Variants in KAZN observed in about 807,000 individuals in gnomAD.
The protein encoded by KAZN is kazrin.
Under a neutral mutation model 87.4 loss-of-function variants are expected in KAZN, and 40 were observed. The observed-to-expected ratio is 0.46, with a 90% CI of 0.36 to 0.60. The LOEUF (loss-of-function observed/expected upper bound fraction) is 0.60, where lower values mean the gene tolerates loss of function less well. Ranked by LOEUF, KAZN falls within the 20% of genes least tolerant of loss-of-function variation. The probability of loss-of-function intolerance (pLI) is 0.00; values close to 1 mark genes in which losing one functional copy is unlikely to be tolerated. For synonymous variants in KAZN, 466 were observed against 458.3 expected, an observed-to-expected ratio of 1.02 and a Z score of -0.22; for missense variants, 898 against 1,073.9, an observed-to-expected ratio of 0.84 and a Z score of 2.29.
At chr1:14,397,276 C>CT (rs75162386) in intron 2 of KAZN, among the ~76,000 whole-genome samples, 16,864 of 152,144 alleles carry the variant, frequency 0.11, 1,317 homozygotes, top group South Asian at 0.18. Flanking sequence ...GTTTTGGAGA[C>CT]TGGAAGTCCA....
chr1:14,524,032 G>GTT (rs869100434), intron 2 of KAZN, among the ~76,000 whole-genome samples: 1 of 148,446 alleles, frequency 6.7e-6, no homozygotes, highest in Non-Finnish European at 1.5e-5. Flanking sequence ...GTTTTGTTTT[G>GTT]TTTTTATGAG....
At chr1:14,921,673 G>C (rs147997009) in intron 1 of KAZN, among the ~76,000 whole-genome samples, 1 of 152,290 alleles carries the variant, frequency 6.6e-6, no homozygotes, top group East Asian at 1.9e-4. Context: ...ACTCATACTT[G>C]TGCTGGGTTT....
At chr1:14,619,659 G>A (rs975697840) in intron 1 of KAZN, among the ~76,000 whole-genome samples, 10 of 152,102 alleles carry the variant, frequency 6.6e-5, no homozygotes, top group South Asian at 2.1e-4. Context: ...CACCCCACAC[G>A]GAAACCCTGT....
At chr1:14,545,930 T>C (rs927924657) in intron 2 of KAZN, among the ~76,000 whole-genome samples, 1 of 152,104 alleles carries the variant, frequency 6.6e-6, no homozygotes, top group African/African-American at 2.4e-5. Context: ...GACAGGGAAG[T>C]ATGATCCTAC....
intron 1 of KAZN, among the ~76,000 whole-genome samples, chr1:14,952,240 C>CTGTGTGTGTGTGTGTGTGTG (rs56104480): frequency 6.3e-5 from 9 of 143,916 alleles, no homozygotes; most frequent in African/African-American, 2.4e-4. Context: ...TTCTTTCCCA[C>CTGTGTGTGTGTGTGTGTGTG]TGTGTGTGTG....
chr1:14,905,328 C>T (rs1227908287), intron 1 of KAZN, among the ~76,000 whole-genome samples: 1 of 152,152 alleles, frequency 6.6e-6, no homozygotes, highest in Non-Finnish European at 1.5e-5. Flanking sequence ...TGCCAAAGTG[C>T]TGGAATAACA....
At chr1:13,918,022 A>G (rs1639923930) in intron 1 of KAZN, among the ~76,000 whole-genome samples, 1 of 152,204 alleles carries the variant, frequency 6.6e-6, no homozygotes, top group South Asian at 2.1e-4. Flanking sequence ...GAAGATGTAC[A>G]GGGAGATTAA....
chr1:14,281,661 G>T (rs895234587), intron 2 of KAZN, among the ~76,000 whole-genome samples: 1 of 152,188 alleles, frequency 6.6e-6, no homozygotes, highest in African/African-American at 2.4e-5. Flanking sequence ...GGTGATAGTG[G>T]TATGTTCTGG....
intron 2 of KAZN, among the ~76,000 whole-genome samples, chr1:14,577,167 A>G (rs1413044530): frequency 6.6e-6 from 1 of 152,226 alleles, no homozygotes; most frequent in Non-Finnish European, 1.5e-5. Flanking sequence ...TTTAATCAGT[A>G]AGAATAAAAT....
At chr1:15,078,387 A>G (rs1306524135) in intron 8 of KAZN, among the ~76,000 whole-genome samples, 1 of 152,232 alleles carries the variant, frequency 6.6e-6, no homozygotes, top group Non-Finnish European at 1.5e-5. Context: ...CCTGGGCAAC[A>G]CAGCGAGACT....
intron 1 of KAZN, among the ~76,000 whole-genome samples, chr1:14,880,684 C>T (rs1405618510): frequency 1.3e-5 from 2 of 152,186 alleles, no homozygotes; most frequent in African/African-American, 4.8e-5. Flanking sequence ...AAAGGCTGGG[C>T]TCAGCTGGGA....
intron 1 of KAZN, among the ~76,000 whole-genome samples, chr1:14,900,539 G>T (rs1450600333): frequency 6.6e-6 from 1 of 152,116 alleles, no homozygotes. Context: ...GGATCATGAG[G>T]TCAGGAGATC....
At chr1:14,932,141 G>C (rs1659901353) in intron 1 of KAZN, among the ~76,000 whole-genome samples, 2 of 152,150 alleles carry the variant, frequency 1.3e-5, no homozygotes, top group Non-Finnish European at 2.9e-5. Flanking sequence ...CAAGGCGCTG[G>C]GCAGGGTGCT....
chr1:14,051,621 C>A (rs527337975), intron 1 of KAZN, among the ~76,000 whole-genome samples: 1 of 152,302 alleles, frequency 6.6e-6, no homozygotes, highest in South Asian at 2.1e-4. Context: ...GGGAGGATCG[C>A]TTCAGTCCAG....
chr1:13,939,481 C>T (rs900513032), intron 1 of KAZN, among the ~76,000 whole-genome samples: 4 of 152,150 alleles, frequency 2.6e-5, no homozygotes, highest in Non-Finnish European at 5.9e-5. Context: ...CCTAATTGTC[C>T]ACATCACTAT....
At chr1:14,758,105 C>T (rs543125954) in intron 1 of KAZN, among the ~76,000 whole-genome samples, 4 of 127,598 alleles carry the variant, frequency 3.1e-5, no homozygotes, top group African/African-American at 1.3e-4. Context: ...TTGTTTGTTT[C>T]TTTGTTTTGT....
intron 2 of KAZN, among the ~76,000 whole-genome samples, chr1:14,474,508 T>C (rs1159693129): frequency 6.6e-6 from 1 of 152,150 alleles, no homozygotes; most frequent in Non-Finnish European, 1.5e-5. Context: ...CTTGGCTTAT[T>C]TGAGGAATAA....
rs1214866263 is a variant in KAZN, at chr1:14,923,061, G to A, written c.227-37623G>A. On this transcript the variant is annotated intron_variant, in intron 1 of 14. Coordinates refer to ENST00000376030, the MANE Select transcript of KAZN (RefSeq NM_201628.3). This position sits in a 1 kb window ranked among gnomAD's most constrained non-coding sequence, Gnocchi z 4.2. ...GCTTGTTGGACAGCCATAGGCCAGT[G>A]ACCTAGAAATTTGCACATCTCAGGC... Among the ~76,000 whole-genome samples, 1 of 152,206 alleles carries A rather than the reference G, an allele frequency of 6.6e-6. No individual in the cohort carries two copies. Among genetic ancestry groups the A allele is most frequent in the Non-Finnish European group, 1.5e-5 (1 of 68,042 alleles).
chr1:14,326,000 A>C (rs757453719), intron 2 of KAZN, among the ~76,000 whole-genome samples: 4 of 152,074 alleles, frequency 2.6e-5, no homozygotes, highest in African/African-American at 4.8e-5. Context: ...AGGTGAATGC[A>C]CCTGTCTGTC....
Sources: allele counts gnomAD v4.1 joint callset (sites outside exome capture counted in the v4.1 genomes callset), GRCh38; gene constraint gnomAD v4.1.1; non-coding constraint Gnocchi (gnomAD v3.1); transcripts MANE v1.5; gene names NCBI Gene and HGNC (gene_info 2026-07-23, HGNC 2026-07-21).